CACNA2D3: variants seen among roughly 807,000 people sequenced by gnomAD.
The protein encoded by CACNA2D3 is voltage-dependent calcium channel subunit alpha-2/delta-3.
Under a neutral mutation model 160.6 loss-of-function variants are expected in CACNA2D3, and 60 were observed. That is an observed-to-expected ratio of 0.37 (90% CI 0.30 to 0.46). The LOEUF is 0.46. CACNA2D3 is among the 20% of genes least tolerant of loss of function. The pLI, the probability that CACNA2D3 is intolerant of heterozygous loss-of-function variation, is 1.00. For missense variants in CACNA2D3, 1,205 were observed against 1,365.0 expected, an observed-to-expected ratio of 0.88 and a Z score of 1.85; for synonymous variants, 558 against 492.9, an observed-to-expected ratio of 1.13 and a Z score of -1.75.
chr3:54,397,538 A>G (rs1441354943), intron 4 of CACNA2D3, among the ~76,000 whole-genome samples: 1 of 143,888 alleles, frequency 6.9e-6, no homozygotes, highest in Non-Finnish European at 1.5e-5. Flanking sequence ...GTTGGTTTCA[A>G]AGAACATTTT....
intron 4 of CACNA2D3, among the ~76,000 whole-genome samples, chr3:54,400,807 C>T (rs71301882): frequency 6.6e-6 from 1 of 152,044 alleles, no homozygotes; most frequent in Admixed American, 6.5e-5. Flanking sequence ...ACCAGATGTG[C>T]AGACATCAAT....
At chr3:54,164,948 G>C (rs1700422243) in intron 2 of CACNA2D3, among the ~76,000 whole-genome samples, 1 of 152,142 alleles carries the variant, frequency 6.6e-6, no homozygotes, top group Non-Finnish European at 1.5e-5. Flanking sequence ...CAGGGCCTGG[G>C]CCATGCTAGG....
intron 4 of CACNA2D3, among the ~76,000 whole-genome samples, chr3:54,459,592 A>G (rs545501903): frequency 4.1e-4 from 62 of 152,202 alleles, no homozygotes; most frequent in African/African-American, 1.3e-3. Flanking sequence ...GTCTGTTCAT[A>G]TCCTTCGCCC....
intron 14 of CACNA2D3, among the ~76,000 whole-genome samples, chr3:54,822,832 T>TTCC (rs1703665380): frequency 1.7e-5 from 1 of 57,982 alleles, no homozygotes; most frequent in Non-Finnish European, 3.2e-5. Flanking sequence ...TCTTTCTTTC[T>TTCC]TTTCTTTCTT....
chr3:54,796,734 A>G (rs1702873390), intron 13 of CACNA2D3, among the ~76,000 whole-genome samples: 1 of 152,166 alleles, frequency 6.6e-6, no homozygotes, highest in African/African-American at 2.4e-5. Flanking sequence ...CTGGCCATTT[A>G]CTGTGTTCAC....
intron 13 of CACNA2D3, among the ~76,000 whole-genome samples, chr3:54,801,399 T>G (rs913354223): frequency 6.6e-6 from 1 of 152,138 alleles, no homozygotes; most frequent in African/African-American, 2.4e-5. Flanking sequence ...TTGAGAGTAT[T>G]TGGACTGAAA....
chr3:54,755,091 C>G (rs1701946837), intron 12 of CACNA2D3, among the ~76,000 whole-genome samples: 1 of 152,232 alleles, frequency 6.6e-6, no homozygotes, highest in Non-Finnish European at 1.5e-5. Context: ...CATGCCCATC[C>G]ATCCACGCAA....
chr3:54,722,305 C>T (rs995940724), intron 11 of CACNA2D3, among the ~76,000 whole-genome samples: 1 of 152,162 alleles, frequency 6.6e-6, no homozygotes, highest in South Asian at 2.1e-4. Context: ...GTAAGCGATT[C>T]GTCTAACCTT....
rs141171601 is a variant in CACNA2D3, at chr3:54,205,756, C to T, written c.204+82162C>T. On this transcript the variant is annotated intron_variant, in intron 2 of 37. Coordinates refer to ENST00000474759, the MANE Select transcript of CACNA2D3 (RefSeq NM_018398.3). ...GGGCTGGAATGGGGTGATGCTGAGT[C>T]GGGGAGGAAGGCACAGAAAGGGAGG... 2.2e-4 allele frequency among the ~76,000 whole-genome samples: 34 copies of T among 152,166 alleles called. 1 individual carries two copies. The East Asian group carries it at 5.2e-3, about 23-fold the overall frequency.
chr3:54,466,753 G>T, intron 4 of CACNA2D3, among the ~76,000 whole-genome samples: 1 of 152,210 alleles, frequency 6.6e-6, no homozygotes, highest in South Asian at 2.1e-4. Flanking sequence ...GTTGAGTTTT[G>T]TTAGTTGCCT....
intron 35 of CACNA2D3, among the ~76,000 whole-genome samples, chr3:55,065,547 G>T (rs921673812): frequency 1.3e-5 from 2 of 152,102 alleles, no homozygotes; most frequent in African/African-American, 4.8e-5. Context: ...TGCTCCTGTG[G>T]TCCCAGCTCC....
intron 11 of CACNA2D3, among the ~76,000 whole-genome samples, chr3:54,687,393 G>A (rs985797348): frequency 5.4e-5 from 8 of 149,530 alleles, no homozygotes; most frequent in South Asian, 2.1e-4. Context: ...CTCGTGATCC[G>A]CCTGCCTTGG....
chr3:54,761,478 A>G (rs1702080122), intron 12 of CACNA2D3, among the ~76,000 whole-genome samples: 1 of 152,242 alleles, frequency 6.6e-6, no homozygotes. Flanking sequence ...TGGAGAGATG[A>G]TAACTGTGTA....
intron 3 of CACNA2D3, among the ~76,000 whole-genome samples, chr3:54,365,369 C>T (rs756221112): frequency 2.0e-5 from 3 of 152,134 alleles, no homozygotes; most frequent in Non-Finnish European, 4.4e-5. Context: ...TGTGTCATGA[C>T]ATGAGGAATA....
At chr3:54,853,544 A>G (rs1170338454) in intron 17 of CACNA2D3, among the ~76,000 whole-genome samples, 3 of 152,126 alleles carry the variant, frequency 2.0e-5, no homozygotes, top group Non-Finnish European at 4.4e-5. Context: ...GCAAGCATTC[A>G]TCAGATGTCC....
intron 4 of CACNA2D3, among the ~76,000 whole-genome samples, chr3:54,431,203 G>T (rs1428261451): frequency 2.6e-5 from 4 of 151,964 alleles, no homozygotes; most frequent in African/African-American, 9.7e-5. Context: ...CAGGTGCAAT[G>T]GCAGGCGCCT....
chr3:55,072,246 A>C (rs1020162880), intron 35 of CACNA2D3, among the ~76,000 whole-genome samples: 1 of 152,216 alleles, frequency 6.6e-6, no homozygotes, highest in Non-Finnish European at 1.5e-5. Context: ...CCCTGTGAAC[A>C]TAACTGTGGA....
chr3:54,685,346 A>G (rs1320280905), intron 11 of CACNA2D3, among the ~76,000 whole-genome samples: 1 of 152,236 alleles, frequency 6.6e-6, no homozygotes, highest in Non-Finnish European at 1.5e-5. Flanking sequence ...TAAGTCTGCT[A>G]CTGTAGCATT....
chr3:54,640,106 C>G (rs1433700406), intron 10 of CACNA2D3, among the ~76,000 whole-genome samples: 1 of 152,166 alleles, frequency 6.6e-6, no homozygotes, highest in Non-Finnish European at 1.5e-5. Context: ...AGGGCATATT[C>G]ACTTCTTTTG....
Sources: gnomAD v4.1 joint callset for allele counts (sites outside exome capture counted in the v4.1 genomes callset) on GRCh38, gnomAD v4.1.1 for gene constraint, MANE v1.5 for transcripts, NCBI Gene and HGNC (gene_info 2026-07-23, HGNC 2026-07-21) for gene names.